The following DZIP1 variants were observed in gnomAD, a reference collection of about 807,000 sequenced individuals.
The protein encoded by DZIP1 is DAZ interacting zinc finger protein 1.
Under a neutral mutation model 107.6 loss-of-function variants are expected in DZIP1, and 97 were observed. That is an observed-to-expected ratio of 0.90 (90% CI 0.77 to 1.07). The LOEUF (loss-of-function observed/expected upper bound fraction) is 1.07. DZIP1 is among the 50% of genes least tolerant of loss of function. The pLI is 0.00. For missense variants in DZIP1, 1,035 were observed against 1,063.6 expected (o/e 0.97, Z 0.37); for synonymous variants, 390 against 386.4 (o/e 1.01, Z -0.11).
chr13:95,624,806 AT>A lies in DZIP1; in HGVS notation c.933del (p.Glu311AspfsTer5), dbSNP rs1481645796. 1 of 1,607,530 alleles carries A rather than the reference AT, an allele frequency of 6.2e-7. No individual in the cohort carries two copies. Among genetic ancestry groups the A allele is most frequent in the East Asian group, 2.2e-5 (1 of 44,770 alleles). On this transcript the variant is annotated frameshift_variant, in exon 8 of 23. Coordinates refer to ENST00000376829, the MANE Select transcript of DZIP1 (RefSeq NM_198968.4). LOFTEE classifies it high-confidence loss of function. The part of the protein sequence containing the change: ...MEKVKEMFMK[E>X]FKELTSKNSA... ...GAATTCTTCGAAGTTAATTCTTTAA[AT>A]TCCTTCATAAACATCTCCTTGACTT...
intron 16 of DZIP1, among the ~76,000 whole-genome samples, chr13:95,593,029 G>C (rs2044354023): frequency 6.6e-6 from 1 of 152,066 alleles, no homozygotes; most frequent in African/African-American, 2.4e-5. Flanking sequence ...TCATCATTTG[G>C]GTGCTGGTTA....
Position 95,587,564 on chromosome 13 carries a change from G to A in DZIP1, c.2193C>T (p.Asp731=). The change falls in exon 20 of 23, where the codon GAC becomes GAT. Residue 731 remains aspartate (D), a synonymous_variant. Coordinates refer to ENST00000376829, the MANE Select transcript of DZIP1 (RefSeq NM_198968.4). ...CTGCGGGCTTGGGAGAATCATCAGT[G>A]TCCTCGATTTCGCTTCCCTCGGTCC... The part of the protein sequence containing the change: ...ADGTEGSEIE[D]TDDSPKPAGV... 1.9e-6 allele frequency: 3 copies of A among 1,614,048 alleles called. No individual in the cohort carries two copies. The highest frequency in any genetic ancestry group is 2.5e-6 in the Non-Finnish European group (3 of 1,179,992).
intron 13 of DZIP1, among the ~76,000 whole-genome samples, chr13:95,607,882 C>A (rs1350887807): frequency 6.6e-6 from 1 of 152,178 alleles, no homozygotes; most frequent in African/African-American, 2.4e-5. Context: ...GTGGAATCAA[C>A]AGGTTTGACC....
At chr13:95,611,750 G>C (rs774636902) in intron 11 of DZIP1, among the ~76,000 whole-genome samples, 83 of 152,138 alleles carry the variant, frequency 5.5e-4, no homozygotes, top group Non-Finnish European at 1.3e-4. Flanking sequence ...TTTTAAAGTT[G>C]CATTTGTATT....
chr13:95,588,791 A>T (rs1341591541), intron 19 of DZIP1, among the ~76,000 whole-genome samples: 2 of 152,236 alleles, frequency 1.3e-5, no homozygotes. Context: ...GAAACACTAA[A>T]TTATTACATT....
chr13:95,629,272 C>G (rs568426260), intron 7 of DZIP1, among the ~76,000 whole-genome samples: 28 of 152,338 alleles, frequency 1.8e-4, no homozygotes, highest in Non-Finnish European at 3.8e-4. Context: ...ATACGTGGTA[C>G]CCACGGTGTA....
At chr13:95,585,581 C>T (rs990378061) in intron 21 of DZIP1, among the ~76,000 whole-genome samples, 2 of 152,202 alleles carry the variant, frequency 1.3e-5, no homozygotes, top group Admixed American at 6.5e-5. Context: ...TGGGCTTCTT[C>T]TCTAATGCAG....
intron 8 of DZIP1, among the ~76,000 whole-genome samples, chr13:95,623,375 G>T (rs1043592561): frequency 1.7e-4 from 26 of 152,170 alleles, no homozygotes; most frequent in Non-Finnish European, 3.1e-4. Context: ...GAGGAAAAAA[G>T]AGAAAATCTT....
intron 14 of DZIP1, 129 bp downstream of exon 14, chr13:95,605,874 G>C (rs937230257): frequency 1.1e-5 from 10 of 911,186 alleles, no homozygotes; most frequent in Non-Finnish European, 1.7e-5. Context: ...TTTAATAACT[G>C]TTTTGCAATC....
At chr13:95,619,259 G>A (rs530343862) in intron 10 of DZIP1, among the ~76,000 whole-genome samples, 2 of 152,248 alleles carry the variant, frequency 1.3e-5, no homozygotes, top group Admixed American at 6.5e-5. Flanking sequence ...AACATAATTC[G>A]AATGTTGTAA....
At chr13:95,584,198 A>G (rs1218401796) in intron 22 of DZIP1, among the ~76,000 whole-genome samples, 2 of 151,320 alleles carry the variant, frequency 1.3e-5, no homozygotes, top group East Asian at 2.0e-4. Flanking sequence ...GATGGTCTCA[A>G]TCTCTTGACC....
At chr13:95,585,296 C>T (rs1328945262) in intron 21 of DZIP1, among the ~76,000 whole-genome samples, 2 of 152,206 alleles carry the variant, frequency 1.3e-5, no homozygotes, top group African/African-American at 2.4e-5. Context: ...GTACATCAGA[C>T]CAACCGAATA....
At chr13:95,598,464 A>T (rs544214604) in intron 15 of DZIP1, among the ~76,000 whole-genome samples, 6 of 152,282 alleles carry the variant, frequency 3.9e-5, no homozygotes, top group African/African-American at 1.4e-4. Context: ...TCAATTCTCA[A>T]TTTGTAGCCT....
intron 5 of DZIP1, among the ~76,000 whole-genome samples, chr13:95,640,959 G>A (rs1370273579): frequency 1.3e-5 from 2 of 152,160 alleles, no homozygotes; most frequent in South Asian, 2.1e-4. Flanking sequence ...ATTCTGCATC[G>A]TTTGGGGACT....
At chr13:95,633,391 T>C in intron 5 of DZIP1, 70 bp from the exon 6 acceptor site, 5 of 1,378,228 alleles carry the variant, frequency 3.6e-6, no homozygotes, top group Non-Finnish European at 5.1e-6. Context: ...CAATTAAAAT[T>C]CAGGTACCTG....
At chr13:95,623,548 CTG>C (rs1263300118) in intron 8 of DZIP1, among the ~76,000 whole-genome samples, 1 of 152,348 alleles carries the variant, frequency 6.6e-6, no homozygotes, top group East Asian at 1.9e-4. Flanking sequence ...CCAAACATGG[CTG>C]TGTTTCAATA....
chr13:95,578,417 T>C lies in DZIP1; in HGVS notation c.*3817A>G, dbSNP rs1297975788. 6.5e-6 allele frequency: 1 copy of C among 152,834 alleles called. No individual in the cohort carries two copies. Among genetic ancestry groups the C allele is most frequent in the African/African-American group, 2.4e-5 (1 of 41,466 alleles). 9.5% of individuals were successfully genotyped at this position (152,834 alleles called of 1,614,324 possible). On this transcript the variant is annotated 3_prime_UTR_variant, in exon 23 of 23. Coordinates refer to ENST00000376829, the MANE Select transcript of DZIP1 (RefSeq NM_198968.4). ...AAGGAACAATGTCTTATAAACAGCA[T>C]GGGGGCAATCTGAGAATATTCCTCA...
In DZIP1 at chr13:95,582,096, A is replaced by G; in HGVS notation, c.*138T>C. The G allele has an allele frequency of 2.7e-6, 2 of 740,774 alleles. No individual in the cohort carries two copies. Among genetic ancestry groups the G allele is most frequent in the Non-Finnish European group, 2.3e-6 (1 of 429,622 alleles). The allele number at this position is 740,774 out of a possible 1,614,324, so 45.9% of individuals were successfully genotyped here. On this transcript the variant is annotated 3_prime_UTR_variant, in exon 23 of 23. Transcript: ENST00000376829. ...TGTATTGGGTGCCATTAAAGAGACC[A>G]TTGTTCTTTGAATCAGTCTCTGTGT...
At chr13:95,624,689 A>G in intron 8 of DZIP1, 79 bp downstream of exon 8, 1 of 1,270,686 alleles carries the variant, frequency 7.9e-7, no homozygotes, top group South Asian at 1.3e-5. Flanking sequence ...TAACTGCTGG[A>G]TCCCCTGGCC....
Sources: allele counts gnomAD v4.1 joint callset (sites outside exome capture counted in the v4.1 genomes callset), GRCh38; gene constraint gnomAD v4.1.1; transcripts MANE v1.5; gene names NCBI Gene and HGNC (gene_info 2026-07-23, HGNC 2026-07-21).